Variants in RALA observed in about 807,000 individuals in gnomAD.
RALA encodes the protein ras-related protein Ral-A.
RALA carries 5 observed loss-of-function variants against 24.0 expected under a neutral mutation model. The ratio of observed to expected loss-of-function variants is 0.21; its 90% CI spans 0.11 to 0.44. The LOEUF is 0.44. RALA is among the 20% of genes least tolerant of loss of function. The pLI is 0.99. For missense variants in RALA, 95 were observed against 241.2 expected, an observed-to-expected ratio of 0.39 and a Z score of 4.01; for synonymous variants, 77 against 83.8, an observed-to-expected ratio of 0.92 and a Z score of 0.44.
At chr7:39,626,230 C>T (rs1033097564) in intron 1 of RALA, among the ~76,000 whole-genome samples, 3 of 152,140 alleles carry the variant, frequency 2.0e-5, no homozygotes, top group Non-Finnish European at 4.4e-5. Context: ...GATTGCCTGC[C>T]GAGCACTGTG....
At chr7:39,647,731 T>C (rs934536151) in intron 1 of RALA, among the ~76,000 whole-genome samples, 1 of 152,170 alleles carries the variant, frequency 6.6e-6, no homozygotes, top group African/African-American at 2.4e-5. Context: ...AGAGATCCCT[T>C]GCTCCTTCCA....
chr7:39,705,310 G>A (rs1231375939), intron 4 of RALA, among the ~76,000 whole-genome samples: 1 of 152,074 alleles, frequency 6.6e-6, no homozygotes, highest in East Asian at 1.9e-4. Flanking sequence ...TCTTGCTTTA[G>A]TCTGAGTTTT....
intron 3 of RALA, among the ~76,000 whole-genome samples, chr7:39,691,136 T>C (rs1792810771): frequency 6.6e-6 from 1 of 152,126 alleles, no homozygotes; most frequent in Non-Finnish European, 1.5e-5. Context: ...GCACATTAGA[T>C]TGTTATATAA....
intron 1 of RALA, among the ~76,000 whole-genome samples, chr7:39,661,544 A>G (rs921472671): frequency 4.6e-5 from 7 of 152,224 alleles, no homozygotes; most frequent in Admixed American, 2.0e-4. Context: ...TGCAAGTCCA[A>G]AATCCAGCAG....
intron 1 of RALA, among the ~76,000 whole-genome samples, chr7:39,641,461 T>G (rs981216894): frequency 6.6e-6 from 1 of 152,164 alleles, no homozygotes; most frequent in African/African-American, 2.4e-5. Flanking sequence ...GTGGCTGACC[T>G]CCCCACTTCT....
At chr7:39,696,525 C>T (rs1792924286) in intron 3 of RALA, among the ~76,000 whole-genome samples, 160 bp from the exon 4 acceptor site, 1 of 152,128 alleles carries the variant, frequency 6.6e-6, no homozygotes, top group South Asian at 2.1e-4. Flanking sequence ...AAAGTTTGGA[C>T]CTTAGTTGCT....
intron 1 of RALA, among the ~76,000 whole-genome samples, chr7:39,633,364 G>A (rs1001498222): frequency 3.3e-5 from 5 of 152,200 alleles, no homozygotes; most frequent in Non-Finnish European, 5.9e-5. Context: ...AAGCAGACGT[G>A]TCTTACATGT....
At chr7:39,697,396 C>G (rs1418072017) in intron 4 of RALA, 6 of 456,588 alleles carry the variant, frequency 1.3e-5, no homozygotes, top group Non-Finnish European at 4.4e-6. Context: ...CTTGTCTTCT[C>G]GCTTTGTTCA....
intron 1 of RALA, among the ~76,000 whole-genome samples, chr7:39,647,813 G>T (rs1248948374): frequency 6.6e-6 from 1 of 152,128 alleles, no homozygotes; most frequent in African/African-American, 2.4e-5. Context: ...GAATGTGCTG[G>T]CACCTTGATC....
intron 1 of RALA, among the ~76,000 whole-genome samples, chr7:39,670,318 A>T (rs981589190): frequency 6.6e-6 from 1 of 152,044 alleles, no homozygotes; most frequent in African/African-American, 2.4e-5. Context: ...GGTAATTTTT[A>T]TTATTTTTTG....
At chr7:39,655,246 G>A (rs1792076718) in intron 1 of RALA, among the ~76,000 whole-genome samples, 1 of 152,174 alleles carries the variant, frequency 6.6e-6, no homozygotes, top group African/African-American at 2.4e-5. Flanking sequence ...ATACTACTCA[G>A]CAATAAAAGG....
intron 1 of RALA, among the ~76,000 whole-genome samples, chr7:39,664,009 A>G (rs1792243676): frequency 6.6e-6 from 1 of 152,256 alleles, no homozygotes; most frequent in Non-Finnish European, 1.5e-5. Context: ...AAGAGGCAGC[A>G]GGTGAATTCC....
intron 1 of RALA, among the ~76,000 whole-genome samples, chr7:39,684,009 C>T (rs1201127260): frequency 2.6e-5 from 4 of 152,180 alleles, no homozygotes; most frequent in Non-Finnish European, 5.9e-5. Flanking sequence ...AAAGAAGTCA[C>T]TTCCTGATGT....
rs571863188 is a variant in RALA, at chr7:39,658,458, A to G, written c.-37-28173A>G. On this transcript the variant is annotated intron_variant, in intron 1 of 4. Coordinates refer to ENST00000005257, the MANE Select transcript of RALA (RefSeq NM_005402.4). ...CTTTCTATTAGATAAACCATATGAAACTGCTGTTTTTGTATGTATATATAT... is the reference window on the plus strand; with the variant it reads ...CTTTCTATTAGATAAACCATATGAAGCTGCTGTTTTTGTATGTATATATAT... Among the ~76,000 whole-genome samples, 3 of 151,974 alleles carry G rather than the reference A, an allele frequency of 2.0e-5. No homozygotes were observed. In the East Asian group the frequency reaches 5.8e-4, roughly 29 times the overall value.
intron 1 of RALA, among the ~76,000 whole-genome samples, chr7:39,627,572 T>G (rs1354624360): frequency 6.6e-6 from 1 of 152,224 alleles, no homozygotes; most frequent in African/African-American, 2.4e-5. Context: ...TGGCGTATAC[T>G]CCCAGATTTA....
At chr7:39,666,337 T>TC (rs1419298914) in intron 1 of RALA, among the ~76,000 whole-genome samples, 4 of 152,174 alleles carry the variant, frequency 2.6e-5, no homozygotes, top group African/African-American at 9.7e-5. Flanking sequence ...TAGGAGGAGC[T>TC]CAAGTTCCAC....
rs183666957 is a variant in RALA at position 39,704,660 on chromosome 7, G to T, written c.499-1463G>T. Among the ~76,000 whole-genome samples, 265 of 151,478 alleles carry T rather than the reference G, an allele frequency of 1.7e-3. 1 individual carries two copies. The highest frequency in any genetic ancestry group is 6.0e-3 in the African/African-American group (250 of 41,354). ...ATTTGATTTTCAATTTTTAGGATTT[G>T]CTATTTTGTTTTATTTTTTATTTTT... On this transcript the variant is annotated intron_variant, in intron 4 of 4. Transcript: ENST00000005257.
intron 1 of RALA, among the ~76,000 whole-genome samples, chr7:39,633,756 G>C (rs1270027534): frequency 6.6e-6 from 1 of 152,150 alleles, no homozygotes; most frequent in East Asian, 1.9e-4. Flanking sequence ...TCTTTCTCCA[G>C]GTTTTATTTA....
chr7:39,651,491 T>C (rs1792017588), intron 1 of RALA, among the ~76,000 whole-genome samples: 1 of 152,226 alleles, frequency 6.6e-6, no homozygotes, highest in African/African-American at 2.4e-5. Flanking sequence ...CCAGTGTTTC[T>C]ACAATTGCTG....
Sources: allele counts gnomAD v4.1 joint callset (sites outside exome capture counted in the v4.1 genomes callset), GRCh38; gene constraint gnomAD v4.1.1; transcripts MANE v1.5; gene names NCBI Gene and HGNC (gene_info 2026-07-23, HGNC 2026-07-21).